MBD5: variants seen among roughly 807,000 people sequenced by gnomAD.
MBD5 encodes the protein methyl-CpG binding domain protein 5, also known as methyl-CpG-binding domain protein 5.
In MBD5, 13 loss-of-function variants were observed where a neutral mutation model predicts 117.3. That is an observed-to-expected ratio of 0.11 (90% CI 0.07 to 0.18). The LOEUF (loss-of-function observed/expected upper bound fraction) is 0.18, where lower values mean the gene tolerates loss of function less well. MBD5 is among the 10% of genes least tolerant of loss of function. The probability of loss-of-function intolerance (pLI) is 1.00; values close to 1 mark genes in which losing one functional copy is unlikely to be tolerated. For synonymous variants in MBD5, 727 were observed against 766.4 expected, an observed-to-expected ratio of 0.95 and a Z score of 0.85; for missense variants, 1,879 against 2,093.8, an observed-to-expected ratio of 0.90 and a Z score of 2.00.
At chr2:148,261,076 T>C (rs1282264980) in intron 3 of MBD5, among the ~76,000 whole-genome samples, 3 of 152,170 alleles carry the variant, frequency 2.0e-5, no homozygotes, top group Non-Finnish European at 4.4e-5. Flanking sequence ...TGCAAACAGA[T>C]GTGCTATCCT....
intron 3 of MBD5, among the ~76,000 whole-genome samples, chr2:148,327,879 G>T (rs1702504815): frequency 1.3e-5 from 2 of 152,178 alleles, no homozygotes; most frequent in African/African-American, 4.8e-5. Context: ...TTCTGTTGCT[G>T]GTGAGGAACT....
Position 148,433,985 on chromosome 2 carries a change from C to T in MBD5, c.-556-24218C>T, listed in dbSNP as rs899144679. ...AATGGTACCAGGTCTTCTTTATACA[C>T]CTGGTAGAATTCAGCTGTGAATCCA... On this transcript the variant is annotated intron_variant, in intron 4 of 13. Transcript: ENST00000642680. Among the ~76,000 whole-genome samples, 5 of 151,320 alleles carry T rather than the reference C, an allele frequency of 3.3e-5. No homozygotes were observed. In the South Asian group the frequency reaches 8.4e-4, roughly 25 times the overall value.
At chr2:148,349,506 A>T (rs1286126594) in intron 4 of MBD5, among the ~76,000 whole-genome samples, 1 of 151,966 alleles carries the variant, frequency 6.6e-6, no homozygotes, top group Non-Finnish European at 1.5e-5. Flanking sequence ...TTATGTAAAT[A>T]TGTTTTTAAA....
intron 1 of MBD5, among the ~76,000 whole-genome samples, chr2:148,132,082 TATTAAA>T (rs1164398316): frequency 6.6e-6 from 1 of 152,160 alleles, no homozygotes; most frequent in Non-Finnish European, 1.5e-5. Flanking sequence ...GTTTTCTCAC[TATTAAA>T]ATGAGAATAA....
chr2:148,404,078 CCT>C (rs1705004859), intron 4 of MBD5, among the ~76,000 whole-genome samples: 1 of 150,720 alleles, frequency 6.6e-6, no homozygotes, highest in Non-Finnish European at 1.5e-5. Context: ...GTTATATTTT[CCT>C]GCTTCTGTGC....
intron 4 of MBD5, among the ~76,000 whole-genome samples, chr2:148,416,983 G>A (rs544850496): frequency 6.6e-6 from 1 of 152,174 alleles, no homozygotes; most frequent in East Asian, 1.9e-4. Flanking sequence ...GTATTCCATG[G>A]TGTGTTTATA....
At chr2:148,363,266 T>C (rs1703593138) in intron 4 of MBD5, among the ~76,000 whole-genome samples, 1 of 152,152 alleles carries the variant, frequency 6.6e-6, no homozygotes, top group Non-Finnish European at 1.5e-5. Context: ...AGAGTCTCAC[T>C]CTGTCACCCA....
At chr2:148,148,251 A>C (rs2105606558) in intron 1 of MBD5, among the ~76,000 whole-genome samples, 1 of 152,296 alleles carries the variant, frequency 6.6e-6, no homozygotes, top group African/African-American at 2.4e-5. Flanking sequence ...GACATTTGGG[A>C]ACTCCTAAAA....
intron 3 of MBD5, among the ~76,000 whole-genome samples, chr2:148,268,123 T>C (rs1700902273): frequency 6.6e-6 from 1 of 152,038 alleles, no homozygotes; most frequent in Non-Finnish European, 1.5e-5. Context: ...CTAGTTTTTG[T>C]ATTTTTTTGT....
At chr2:148,133,371 A>G (rs2105481737) in intron 1 of MBD5, among the ~76,000 whole-genome samples, 1 of 152,372 alleles carries the variant, frequency 6.6e-6, no homozygotes, top group Non-Finnish European at 1.5e-5. Flanking sequence ...AGTTATTCTC[A>G]GTAGAATATT....
chr2:148,258,468 G>A (rs1025759745), intron 3 of MBD5, among the ~76,000 whole-genome samples: 3 of 152,134 alleles, frequency 2.0e-5, no homozygotes, highest in Non-Finnish European at 4.4e-5. Context: ...CCGTACATTG[G>A]TGGGGGACCA....
At chr2:148,445,289 C>T (rs948783791) in intron 4 of MBD5, among the ~76,000 whole-genome samples, 1 of 150,858 alleles carries the variant, frequency 6.6e-6, no homozygotes, top group African/African-American at 2.5e-5. Context: ...CTCCCCGCTC[C>T]CCCCACCCCA....
intron 4 of MBD5, among the ~76,000 whole-genome samples, chr2:148,403,224 G>C (rs1371673921): frequency 6.6e-6 from 1 of 151,062 alleles, no homozygotes; most frequent in East Asian, 1.9e-4. Context: ...CTGTCACCCA[G>C]GCTGGAGTGC....
chr2:148,042,358 A>G (rs1307515548), intron 1 of MBD5, among the ~76,000 whole-genome samples: 2 of 152,152 alleles, frequency 1.3e-5, no homozygotes, highest in African/African-American at 4.8e-5. Context: ...GATGAGAAGC[A>G]TATGCCTCTA....
At chr2:148,323,201 T>G (rs1702338081) in intron 3 of MBD5, among the ~76,000 whole-genome samples, 1 of 152,140 alleles carries the variant, frequency 6.6e-6, no homozygotes, top group Non-Finnish European at 1.5e-5. Flanking sequence ...CTGCATAGTA[T>G]TCCATGGTGT....
rs1024521795 is a variant in MBD5, at chr2:148,483,593, C to T, written c.3002C>T (p.Ala1001Val). The change falls in exon 9 of 14, where the codon GCC becomes GTC. Residue 1001 changes from alanine to valine, a missense_variant. Physicochemically the swap from Ala to Val is moderately conservative, Grantham distance 64. Around this residue, in one of 4 missense-constraint regions of MBD5, gnomAD observed 1,666 missense variants for 1,792.2 expected, o/e 0.93. Transcript: ENST00000642680. ...ALLQNQAQAA[A>V]MLPLPSFNLT... ...CTTCAGAACCAAGCCCAAGCAGCTG[C>T]CATGCTTCCCCTGCCATCTTTCAAT... The T allele has an allele frequency of 7.7e-6, 12 of 1,556,050 alleles. No homozygotes were observed. The highest frequency in any genetic ancestry group is 1.0e-5 in the Non-Finnish European group (12 of 1,149,732).
intron 2 of MBD5, among the ~76,000 whole-genome samples, chr2:148,198,172 C>CT (rs2105939536): frequency 6.6e-6 from 1 of 152,200 alleles, no homozygotes; most frequent in African/African-American, 2.4e-5. Context: ...ACATTTTCCT[C>CT]TTTTTTTCAC....
At chr2:148,343,918 C>T (rs1156236955) in intron 4 of MBD5, among the ~76,000 whole-genome samples, 1 of 152,024 alleles carries the variant, frequency 6.6e-6, no homozygotes, top group Non-Finnish European at 1.5e-5. Flanking sequence ...ACTGGGTTTT[C>T]TTCTACCATT....
intron 4 of MBD5, among the ~76,000 whole-genome samples, chr2:148,457,212 T>C (rs1706912564): frequency 1.3e-5 from 2 of 152,174 alleles, no homozygotes; most frequent in Admixed American, 6.6e-5. Context: ...TGAAATATAG[T>C]ATTTTTTGAA....
Sources: gnomAD v4.1 joint callset for allele counts (sites outside exome capture counted in the v4.1 genomes callset) on GRCh38, gnomAD v4.1.1 for gene constraint, gnomAD v4.1.1 regional missense constraint, MANE v1.5 for transcripts, NCBI Gene and HGNC (gene_info 2026-07-23, HGNC 2026-07-21) for gene names.